JHY: variants seen among roughly 807,000 people sequenced by gnomAD.
JHY encodes the protein junctional cadherin complex regulator, also known as jhy protein homolog.
JHY carries 69 observed loss-of-function variants against 78.0 expected under a neutral mutation model. That is an observed-to-expected ratio of 0.88 (90% CI 0.73 to 1.08). JHY has a LOEUF of 1.08. Ranked by LOEUF, JHY falls within the 50% of genes least tolerant of loss-of-function variation. The probability of loss-of-function intolerance (pLI) is 0.00; values close to 1 mark genes in which losing one functional copy is unlikely to be tolerated. For synonymous variants in JHY, 368 were observed against 342.6 expected (o/e 1.07, Z -0.82); for missense variants, 944 against 927.8 (o/e 1.02, Z -0.23).
intron 4 of JHY, among the ~76,000 whole-genome samples, chr11:122,931,042 G>A (rs1863624316): frequency 6.6e-6 from 1 of 152,074 alleles, no homozygotes; most frequent in East Asian, 1.9e-4. Context: ...GCTTCCTTGA[G>A]CCTATTTTAT....
intron 5 of JHY, among the ~76,000 whole-genome samples, chr11:122,943,104 G>A (rs966706040): frequency 6.6e-6 from 1 of 152,110 alleles, no homozygotes; most frequent in Admixed American, 6.6e-5. Context: ...TAAACTCCTC[G>A]GCTCAAGCCA....
rs139856679 is a variant in JHY, at chr11:122,897,333, C to G, written c.345-6592C>G. ...TCGACCTCCTGGGCTAAGCCATCCTCCTGCCCCAGCCTCCTGAGTAGCTGG... is the reference window on the plus strand; with the variant it reads ...TCGACCTCCTGGGCTAAGCCATCCTGCTGCCCCAGCCTCCTGAGTAGCTGG... On this transcript the variant is annotated intron_variant, in intron 2 of 8. Transcript: ENST00000227349. Among the ~76,000 whole-genome samples, 791 of 152,288 alleles carry G rather than the reference C, an allele frequency of 5.2e-3. 15 individuals are homozygous for G. Among genetic ancestry groups the G allele is most frequent in the African/African-American group, 0.018 (756 of 41,560 alleles).
chr11:122,935,117 GGA>G lies in JHY; in HGVS notation c.1634+47_1634+48del, dbSNP rs751163606. 13 of 1,483,676 alleles carry G rather than the reference GGA, an allele frequency of 8.8e-6. No individual in the cohort carries two copies. The African/African-American group carries it at 1.8e-4, about 21-fold the overall frequency. The allele number at this position is 1,483,676 out of a possible 1,614,324, so 91.9% of individuals were successfully genotyped here. The stretch of plus-strand genomic sequence containing the variant: ...CTCAAGTGGTTTTCTAGAGGAGAAA[GGA>G]GAGACTGCTGCAGAAAGACGGGAGA... On this transcript the variant is annotated intron_variant, in intron 5 of 8. Transcript: ENST00000227349. The surrounding 1 kb of genome is among the most constrained non-coding windows in gnomAD (Gnocchi z 4.5).
intron 3 of JHY, among the ~76,000 whole-genome samples, chr11:122,922,640 C>G (rs377548598): frequency 1.3e-5 from 2 of 151,800 alleles, no homozygotes; most frequent in East Asian, 3.9e-4. Flanking sequence ...GAAACCCCGT[C>G]TCTACTAAAA....
Position 122,961,340 on chromosome 11 carries a change from G to GTT in JHY, c.*1899_*1900dup, listed in dbSNP as rs1864311867. Among the ~76,000 whole-genome samples the GTT allele has an allele frequency of 6.6e-6, 1 of 151,700 alleles. No individual in the cohort carries two copies. Among genetic ancestry groups the GTT allele is most frequent in the Non-Finnish European group, 1.5e-5 (1 of 67,950 alleles). ...TGTTGTTTTTTTTGCTGTTGTTGTT[G>GTT]TTTTTAGACAGACTCTCGCTCTGTC... is the stretch of plus-strand genomic sequence containing the variant. On this transcript the variant is annotated 3_prime_UTR_variant, in exon 9 of 9. Transcript: ENST00000227349.
chr11:122,933,903 G>A (rs941936246), intron 4 of JHY, among the ~76,000 whole-genome samples: 2 of 152,002 alleles, frequency 1.3e-5, no homozygotes, highest in East Asian at 1.9e-4. Context: ...TACTTTCTCC[G>A]TATCTCTCGA....
At position 122,959,513 on chromosome 11, in the gene JHY, A is replaced by G; in HGVS notation, c.*68A>G. The G allele has an allele frequency of 2.1e-6, 3 of 1,412,724 alleles. No individual in the cohort carries two copies. Among genetic ancestry groups the G allele is most frequent in the Non-Finnish European group, 2.0e-6 (2 of 1,013,210 alleles). The allele number at this position is 1,412,724 out of a possible 1,614,324, so 87.5% of individuals were successfully genotyped here. On this transcript the variant is annotated 3_prime_UTR_variant, in exon 9 of 9. Coordinates refer to ENST00000227349, the MANE Select transcript of JHY (RefSeq NM_024806.4). ...AACGTGGAGAAAAGAAACGCCAACC[A>G]CCTTCTCTGCGTTGAGAGTAATGGC... is the stretch of plus-strand genomic sequence containing the variant.
chr11:122,890,789 G>A (rs924656949), intron 2 of JHY, among the ~76,000 whole-genome samples: 2 of 152,100 alleles, frequency 1.3e-5, no homozygotes, highest in African/African-American at 4.8e-5. Flanking sequence ...AGATTGATTT[G>A]CCTTGGACAT....
intron 3 of JHY, among the ~76,000 whole-genome samples, chr11:122,921,916 G>A (rs752314154): frequency 1.3e-5 from 2 of 152,156 alleles, no homozygotes; most frequent in African/African-American, 4.8e-5. Flanking sequence ...CCCAGGAGGC[G>A]GAGGTTGTAA....
At chr11:122,953,526 T>TGGGAG (rs1156950195) in intron 6 of JHY, among the ~76,000 whole-genome samples, 1 of 146,098 alleles carries the variant, frequency 6.8e-6, no homozygotes, top group Non-Finnish European at 1.5e-5. Flanking sequence ...CACTTGAAAC[T>TGGGAG]GGGAGGTGGA....
chr11:122,946,403 T>C lies in JHY; in HGVS notation c.1635-95T>C, dbSNP rs147619908. ...ATTAATTTGATTTGAGAGTGATAAA[T>C]ACATCAAATTAATGGTTCATAAAGA... On this transcript the variant is annotated intron_variant, in intron 5 of 8. Transcript: ENST00000227349. 865 of 1,292,842 alleles carry C rather than the reference T, an allele frequency of 6.7e-4. 4 individuals are homozygous for C. In the African/African-American group the frequency reaches 0.011, roughly 17 times the overall value. The allele number at this position is 1,292,842 out of a possible 1,614,324, so 80.1% of individuals were successfully genotyped here. A position where few individuals can be genotyped will look rare whatever the true frequency, so the allele number is the denominator to read the frequency against.
At chr11:122,953,904 C>A (rs1230788918) in intron 6 of JHY, among the ~76,000 whole-genome samples, 1 of 152,104 alleles carries the variant, frequency 6.6e-6, no homozygotes, top group Non-Finnish European at 1.5e-5. Flanking sequence ...GTTTAACATT[C>A]TAATGGGGCA....
chr11:122,887,417 G>T (rs1862518762), intron 2 of JHY, among the ~76,000 whole-genome samples: 1 of 152,120 alleles, frequency 6.6e-6, no homozygotes, highest in South Asian at 2.1e-4. Flanking sequence ...CCACCTCCCG[G>T]GTTCAAGTGA....
rs138481966 is a variant in JHY at position 122,962,975 on chromosome 11, AT to A, written c.*3533del. 0.11 allele frequency among the ~76,000 whole-genome samples: 17,096 copies of A among 152,074 alleles called. 1,004 individuals are homozygous for A. The highest frequency in any genetic ancestry group is 0.19 in the East Asian group (975 of 5,166). Reference sequence around the variant, plus strand: ...GATGAGCAACATATAGTTGCTATGAATTTCTATTTTGGACCTGAATTTCCAC... The same window carrying A: ...GATGAGCAACATATAGTTGCTATGAATTCTATTTTGGACCTGAATTTCCAC... On this transcript the variant is annotated 3_prime_UTR_variant, in exon 9 of 9. Coordinates refer to ENST00000227349, the MANE Select transcript of JHY (RefSeq NM_024806.4).
At chr11:122,940,475 T>C (rs1863852304) in intron 5 of JHY, among the ~76,000 whole-genome samples, 1 of 152,248 alleles carries the variant, frequency 6.6e-6, no homozygotes, top group East Asian at 1.9e-4. Context: ...AGAATACTAC[T>C]TGGGTGATTT....
At chr11:122,889,197 C>G (rs1012909610) in intron 2 of JHY, among the ~76,000 whole-genome samples, 1 of 152,122 alleles carries the variant, frequency 6.6e-6, no homozygotes. Context: ...CTTGTGAGCT[C>G]GAGAATCTTT....
intron 2 of JHY, among the ~76,000 whole-genome samples, chr11:122,892,366 A>G (rs1425325132): frequency 1.3e-5 from 2 of 150,318 alleles, no homozygotes; most frequent in Non-Finnish European, 1.5e-5. Context: ...ATTGTCACCC[A>G]GGCTAGAGTG....
chr11:122,946,736 G>A lies in JHY; in HGVS notation c.1873G>A (p.Gly625Ser), dbSNP rs369245245. ...GAAAATTAGCCGTAGCAATTCTGAA[G>A]GCTATCTGTTTCAACTGGAAAAGGG... ...QVKISRSNSE[G>S]YLFQLEKGKK... The change falls in exon 6 of 9, where the codon GGC becomes AGC. Residue 625 changes from glycine (G) to serine (S), a missense_variant. Transcript: ENST00000227349. 5.6e-6 allele frequency: 9 copies of A among 1,613,848 alleles called. No individual in the cohort carries two copies. The highest frequency in any genetic ancestry group is 4.0e-5 in the African/African-American group (3 of 74,898).
rs964728419 is a variant in JHY, at chr11:122,963,446, G to A, written c.*4001G>A. Among the ~76,000 whole-genome samples, 10 of 152,114 alleles carry A rather than the reference G, an allele frequency of 6.6e-5. No individual in the cohort carries two copies. The highest frequency in any genetic ancestry group is 1.3e-4 in the Admixed American group (2 of 15,268). On this transcript the variant is annotated 3_prime_UTR_variant, in exon 9 of 9. Coordinates refer to ENST00000227349, the MANE Select transcript of JHY (RefSeq NM_024806.4). ...TAAAACATATTTGCAGAAAGTTTGG[G>A]GTTGAAATCAAAGAATGGATCAAAG... is the stretch of plus-strand genomic sequence containing the variant.
Sources: allele counts gnomAD v4.1 joint callset (sites outside exome capture counted in the v4.1 genomes callset), GRCh38; gene constraint gnomAD v4.1.1; non-coding constraint Gnocchi (gnomAD v3.1); transcripts MANE v1.5; gene names NCBI Gene and HGNC (gene_info 2026-07-23, HGNC 2026-07-21).